Variants in TSHZ1 observed in about 807,000 individuals in gnomAD.
The protein encoded by TSHZ1 is teashirt zinc finger homeobox 1.
A neutral mutation model predicts 67.1 loss-of-function variants in TSHZ1; 12 were observed. The ratio of observed to expected loss-of-function variants is 0.18; its 90% confidence interval spans 0.11 to 0.29. The LOEUF (loss-of-function observed/expected upper bound fraction) is 0.29. Among genes scored for constraint, TSHZ1 ranks in the 10% least tolerant of loss-of-function variants. The pLI is 1.00. For synonymous variants in TSHZ1, 632 were observed against 622.4 expected (o/e 1.02, Z -0.23); for missense variants, 1,305 against 1,413.9 (o/e 0.92, Z 1.23).
At chr18:75,231,899 G>T (rs1424666175) in intron 1 of TSHZ1, among the ~76,000 whole-genome samples, 1 of 149,114 alleles carries the variant, frequency 6.7e-6, no homozygotes, top group Non-Finnish European at 1.5e-5. Context: ...GAAAATAAGT[G>T]CATGTGATGC....
chr18:75,225,451 C>T (rs2022912157), intron 1 of TSHZ1, among the ~76,000 whole-genome samples: 1 of 152,200 alleles, frequency 6.6e-6, no homozygotes. Context: ...GTCCACGCCG[C>T]TTTCTTCTGA....
intron 1 of TSHZ1, among the ~76,000 whole-genome samples, chr18:75,219,657 G>T (rs568229268): frequency 2.1e-4 from 32 of 152,194 alleles, no homozygotes; most frequent in South Asian, 4.1e-4. Flanking sequence ...TAGACTTTTT[G>T]GGGGAAAAAC....
intron 1 of TSHZ1, among the ~76,000 whole-genome samples, chr18:75,277,815 C>G (rs1425295919): frequency 6.6e-6 from 1 of 152,158 alleles, no homozygotes; most frequent in Non-Finnish European, 1.5e-5. Flanking sequence ...ACAGTTGGGC[C>G]ACATACTGAT....
At chr18:75,233,419 T>A (rs1351036962) in intron 1 of TSHZ1, among the ~76,000 whole-genome samples, 1 of 152,196 alleles carries the variant, frequency 6.6e-6, no homozygotes, top group Non-Finnish European at 1.5e-5. Flanking sequence ...TGTATAAATA[T>A]AGTGACAATA....
chr18:75,226,443 T>C (rs1406949017), intron 1 of TSHZ1, among the ~76,000 whole-genome samples: 1 of 152,256 alleles, frequency 6.6e-6, no homozygotes, highest in Non-Finnish European at 1.5e-5. Context: ...AAGTCATGGG[T>C]CTGGCTACAA....
At chr18:75,252,841 A>G (rs764877948) in intron 1 of TSHZ1, among the ~76,000 whole-genome samples, 4 of 152,138 alleles carry the variant, frequency 2.6e-5, no homozygotes, top group Non-Finnish European at 5.9e-5. Context: ...TACTATATCT[A>G]TAAAATACAA....
chr18:75,238,353 C>T (rs560173042), intron 1 of TSHZ1, among the ~76,000 whole-genome samples: 29 of 152,280 alleles, frequency 1.9e-4, no homozygotes, highest in Middle Eastern at 3.4e-3. Context: ...GTAGTAGAGT[C>T]GTCGTAGGCA....
At chr18:75,273,542 G>A (rs768059756) in intron 1 of TSHZ1, among the ~76,000 whole-genome samples, 13 of 152,202 alleles carry the variant, frequency 8.5e-5, no homozygotes, top group Non-Finnish European at 1.5e-4. Flanking sequence ...ATTTTTATCT[G>A]ATTTGCTAAA....
At chr18:75,277,162 T>G (rs960337487) in intron 1 of TSHZ1, among the ~76,000 whole-genome samples, 1 of 151,708 alleles carries the variant, frequency 6.6e-6, no homozygotes, top group Non-Finnish European at 1.5e-5. Flanking sequence ...GAATTTCACA[T>G]CTGACTGTCG....
chr18:75,244,298 T>G (rs2023195718), intron 1 of TSHZ1, among the ~76,000 whole-genome samples: 1 of 152,240 alleles, frequency 6.6e-6, no homozygotes, highest in Non-Finnish European at 1.5e-5. Flanking sequence ...GGTAAGGTTG[T>G]TATTCACACC....
chr18:75,222,533 C>T lies in TSHZ1; in HGVS notation c.40+10617C>T, dbSNP rs558169529. On this transcript the variant is annotated intron_variant, in intron 1 of 1. Coordinates refer to ENST00000580243, the MANE Select transcript of TSHZ1 (RefSeq NM_001308210.2). The stretch of plus-strand genomic sequence containing the variant: ...CTCCGAGAAGCTGGTGGAATGGGGT[C>T]GAGGGATGGTCCGGGGCTTGAGCAC... Among the ~76,000 whole-genome samples, 7 of 152,084 alleles carry T rather than the reference C, an allele frequency of 4.6e-5. No individual in the cohort carries two copies. The South Asian group carries it at 8.3e-4, about 18-fold the overall frequency.
intron 1 of TSHZ1, among the ~76,000 whole-genome samples, chr18:75,212,652 T>A (rs1260492286): frequency 6.6e-6 from 1 of 152,208 alleles, no homozygotes; most frequent in African/African-American, 2.4e-5. Flanking sequence ...TCACTCACCA[T>A]GGAAACACAC....
At chr18:75,264,349 T>C (rs548387501) in intron 1 of TSHZ1, among the ~76,000 whole-genome samples, 65 of 152,240 alleles carry the variant, frequency 4.3e-4, no homozygotes, top group Non-Finnish European at 7.6e-4. Context: ...AGCTTTCAGC[T>C]GGCTTCTATC....
chr18:75,276,378 G>A (rs1007161848), intron 1 of TSHZ1, among the ~76,000 whole-genome samples: 3 of 151,850 alleles, frequency 2.0e-5, no homozygotes, highest in African/African-American at 4.8e-5. Context: ...GAATCAGAAC[G>A]ATGTTAGTAA....
chr18:75,252,361 A>G (rs931633856), intron 1 of TSHZ1, among the ~76,000 whole-genome samples: 8 of 152,208 alleles, frequency 5.3e-5, no homozygotes, highest in African/African-American at 9.7e-5. Flanking sequence ...TGTACTGCCA[A>G]CTGGCCTTCT....
chr18:75,271,255 C>G (rs1187353301), intron 1 of TSHZ1, among the ~76,000 whole-genome samples: 1 of 152,138 alleles, frequency 6.6e-6, no homozygotes, highest in East Asian at 1.9e-4. Context: ...CAAGTAATGA[C>G]TAGCATAAGG....
In TSHZ1 at chr18:75,287,430, AAAG is replaced by A; in HGVS notation, c.2025_2027del (p.Glu676del). 6.2e-7 allele frequency: 1 copy of A among 1,614,184 alleles called. No individual in the cohort carries two copies. The highest frequency in any genetic ancestry group is 1.1e-5 in the South Asian group (1 of 91,088). Reference sequence around the variant, plus strand: ...GGCCAAGGCTGCGTCCCCCATAGCAAAAGAGAATAAAGATTTCCCGAAAACGGA... The same window carrying A: ...GGCCAAGGCTGCGTCCCCCATAGCAAAGAATAAAGATTTCCCGAAAACGGA... On this transcript the variant is annotated inframe_deletion, in exon 2 of 2. Coordinates refer to ENST00000580243, the MANE Select transcript of TSHZ1 (RefSeq NM_001308210.2). The surrounding 1 kb of genome is among the most constrained non-coding windows in gnomAD (Gnocchi z 5.0).
chr18:75,283,070 A>G (rs2023706597), intron 1 of TSHZ1: 2 of 152,282 alleles, frequency 1.3e-5, no homozygotes, highest in Admixed American at 1.3e-4. Context: ...GTCGATCCTG[A>G]TAGAAGGGCC....
intron 1 of TSHZ1, among the ~76,000 whole-genome samples, chr18:75,260,119 C>A (rs138273172): frequency 1.3e-3 from 200 of 152,354 alleles, no homozygotes; most frequent in Non-Finnish European, 1.9e-3. Context: ...TGAACGAATG[C>A]ACGAATGAGG....
Sources: allele counts gnomAD v4.1 joint callset (sites outside exome capture counted in the v4.1 genomes callset), GRCh38; gene constraint gnomAD v4.1.1; non-coding constraint Gnocchi (gnomAD v3.1); transcripts MANE v1.5; gene names NCBI Gene and HGNC (gene_info 2026-07-23, HGNC 2026-07-21).